Variants in SH2D4B observed in about 807,000 individuals in gnomAD.
SH2D4B encodes the protein SH2 domain-containing protein 4B.
Under a neutral mutation model 61.5 loss-of-function variants are expected in SH2D4B, and 45 were observed. The observed-to-expected ratio is 0.73, with a 90% CI of 0.58 to 0.94. SH2D4B has a LOEUF of 0.94. Ranked by LOEUF, SH2D4B falls within the 40% of genes least tolerant of loss-of-function variation. The pLI is 0.00. For synonymous variants in SH2D4B, 224 were observed against 220.4 expected (o/e 1.02, Z -0.14); for missense variants, 572 against 574.2 (o/e 1.00, Z 0.04).
chr10:80,549,340 G>C (rs908041118), intron 1 of SH2D4B, among the ~76,000 whole-genome samples: 1 of 152,140 alleles, frequency 6.6e-6, no homozygotes, highest in African/African-American at 2.4e-5. Flanking sequence ...GATCCGGTAT[G>C]GCCCTGCCGT....
chr10:80,552,107 A>G (rs1374394194), intron 1 of SH2D4B, among the ~76,000 whole-genome samples: 1 of 152,132 alleles, frequency 6.6e-6, no homozygotes, highest in African/African-American at 2.4e-5. Context: ...CAAAGGCCAT[A>G]CCTCCTAATA....
At chr10:80,615,143 A>T (rs80210298) in intron 6 of SH2D4B, among the ~76,000 whole-genome samples, 4,906 of 152,318 alleles carry the variant, frequency 0.032, 111 homozygotes, top group African/African-American at 0.052. Flanking sequence ...TGTATGGAGC[A>T]GGAAGGGGTT....
At chr10:80,597,070 G>A (rs1842393262) in intron 4 of SH2D4B, among the ~76,000 whole-genome samples, 1 of 152,184 alleles carries the variant, frequency 6.6e-6, no homozygotes, top group African/African-American at 2.4e-5. Context: ...GTAATCTAGA[G>A]CTGATTTAAA....
chr10:80,591,513 T>C (rs1266275957), intron 4 of SH2D4B, among the ~76,000 whole-genome samples: 1 of 148,592 alleles, frequency 6.7e-6, no homozygotes, highest in Non-Finnish European at 1.5e-5. Flanking sequence ...GGCTTTTTTT[T>C]TTTTTTTTTT....
At chr10:80,588,973 CTGTTGGGGA>C (rs1460224573) in intron 4 of SH2D4B, among the ~76,000 whole-genome samples, 196 bp downstream of exon 4, 1 of 151,820 alleles carries the variant, frequency 6.6e-6, no homozygotes, top group Non-Finnish European at 1.5e-5. Context: ...GCTTACCTGC[CTGTTGGGGA>C]TATTTCTTTT....
rs1162823399 is a variant in SH2D4B, at chr10:80,604,786, TC to T, written c.860+992del. 3.4e-5 allele frequency among the ~76,000 whole-genome samples: 4 copies of T among 117,880 alleles called. No individual in the cohort carries two copies. In the East Asian group the frequency reaches 8.7e-4, roughly 26 times the overall value. The allele number at this position is 117,880 out of a possible 152,430, so 77.3% of individuals were successfully genotyped here. ...CCCTTCTTCCAGAGGTCACTACTGT[TC>T]TTAGTTTTTTTTTTTTCTTTTTTTG... On this transcript the variant is annotated intron_variant, in intron 5 of 7. Transcript: ENST00000646907.
In SH2D4B at chr10:80,538,129, G is replaced by T. The variant is rs1048811357; in HGVS notation, c.-203G>T. ...CTGCCCCTTTGGGTCCTGTTGCCTG[G>T]CCTCTTTTGCTGTCCTGGGTAGAGG... On this transcript the variant is annotated 5_prime_UTR_variant, in exon 1 of 8. Coordinates refer to ENST00000646907, the MANE Select transcript of SH2D4B (RefSeq NM_001388272.1). This position sits in a 1 kb window ranked among gnomAD's most constrained non-coding sequence, Gnocchi z 4.8. The T allele has an allele frequency of 2.5e-5, 9 of 359,922 alleles. No homozygotes were observed. Among genetic ancestry groups the T allele is most frequent in the Non-Finnish European group, 4.4e-5 (9 of 206,190 alleles). 22.3% of individuals were successfully genotyped at this position (359,922 alleles called of 1,614,324 possible). A position where few individuals can be genotyped will look rare whatever the true frequency, so the allele number is the denominator to read the frequency against.
rs912187708 is a variant in SH2D4B, at chr10:80,634,423, A to G, written c.1127A>G (p.Asp376Gly). Residue 376 changes from aspartate (D) to glycine (G), a missense_variant, in exon 7 of 8, where the codon GAT becomes GGT. Asp to Gly is a moderately conservative substitution (Grantham distance 94). Transcript: ENST00000646907. ...LQKGFKHFLVDASGDFYSFLG... is the reference protein window; with the variant it reads ...LQKGFKHFLVGASGDFYSFLG... ...AAAGGGTTCAAACACTTTCTTGTGG[A>G]TGCTTCTGGGGATTTTTACAGCTTC... is the stretch of plus-strand genomic sequence containing the variant. 106 of 1,550,358 alleles carry G rather than the reference A, an allele frequency of 6.8e-5. No homozygotes were observed. Among genetic ancestry groups the G allele is most frequent in the Non-Finnish European group, 9.0e-5 (103 of 1,146,972 alleles).
chr10:80,540,874 G>A (rs1589327043), intron 1 of SH2D4B: 1 of 1,551,582 alleles, frequency 6.4e-7, no homozygotes, highest in South Asian at 1.2e-5. Context: ...GCTCCACGGA[G>A]GAATCTTCTC....
At chr10:80,607,698 C>T (rs1048237167) in intron 5 of SH2D4B, among the ~76,000 whole-genome samples, 1 of 152,106 alleles carries the variant, frequency 6.6e-6, no homozygotes, top group Admixed American at 6.6e-5. Flanking sequence ...GGGTACAGGG[C>T]AAATATGGAG....
intron 1 of SH2D4B, among the ~76,000 whole-genome samples, chr10:80,560,693 C>A (rs12266010): frequency 3.9e-3 from 231 of 58,864 alleles, no homozygotes; most frequent in African/African-American, 0.016. Context: ...CCTGGCCAAG[C>A]TTTTTTTTTT....
At chr10:80,583,295 C>CGT (rs1554877489) in intron 3 of SH2D4B, among the ~76,000 whole-genome samples, 1 of 151,762 alleles carries the variant, frequency 6.6e-6, no homozygotes, top group African/African-American at 2.4e-5. Flanking sequence ...GGAAATTACA[C>CGT]GTGATAGCTG....
At chr10:80,569,444 C>T (rs1036788470) in intron 1 of SH2D4B, among the ~76,000 whole-genome samples, 6 of 151,108 alleles carry the variant, frequency 4.0e-5, no homozygotes, top group African/African-American at 9.7e-5. Context: ...AACTTTATTT[C>T]GGAGACCCAG....
intron 3 of SH2D4B, among the ~76,000 whole-genome samples, chr10:80,578,518 A>AGCCCATCTGG: frequency 1.3e-5 from 2 of 152,226 alleles, no homozygotes; most frequent in East Asian, 3.9e-4. Flanking sequence ...TCTGGGCATG[A>AGCCCATCTGG]GCAAGCACAA....
rs7908217 is a variant in SH2D4B, at chr10:80,596,134, C to T, written c.643+7357C>T. The stretch of plus-strand genomic sequence containing the variant: ...TACAAATGCAACATTGTGGTCAAAG[C>T]TCATTTTTTATCTGGGGCAAGCTCC... On this transcript the variant is annotated intron_variant, in intron 4 of 7. Transcript: ENST00000646907. Among the ~76,000 whole-genome samples the T allele has an allele frequency of 9.8e-3, 1,490 of 152,336 alleles. 19 individuals carry two copies. Among genetic ancestry groups the T allele is most frequent in the African/African-American group, 0.034 (1,421 of 41,570 alleles).
At chr10:80,623,191 A>G (rs1842734938) in intron 6 of SH2D4B, among the ~76,000 whole-genome samples, 1 of 152,266 alleles carries the variant, frequency 6.6e-6, no homozygotes, top group Non-Finnish European at 1.5e-5. Context: ...CTGGGATTAC[A>G]GGCGTGAGCC....
At chr10:80,586,951 T>G (rs1170124188) in intron 3 of SH2D4B, among the ~76,000 whole-genome samples, 1 of 151,666 alleles carries the variant, frequency 6.6e-6, no homozygotes, top group Non-Finnish European at 1.5e-5. Context: ...GGTCCGCAGC[T>G]TCACTCCTGA....
At chr10:80,572,986 A>ATATATATATATATT (rs1564772012) in intron 3 of SH2D4B, among the ~76,000 whole-genome samples, 1 of 8,874 alleles carries the variant, frequency 1.1e-4, no homozygotes, top group Non-Finnish European at 2.0e-4. Context: ...ATATATATAT[A>ATATATATATATATT]TTTTTTTTTT....
At chr10:80,604,286 C>A (rs1373973432) in intron 5 of SH2D4B, among the ~76,000 whole-genome samples, 2 of 152,168 alleles carry the variant, frequency 1.3e-5, no homozygotes, top group Non-Finnish European at 2.9e-5. Flanking sequence ...CAGGCGGGTC[C>A]TCACACACAT....
Sources: gnomAD v4.1 joint callset for allele counts (sites outside exome capture counted in the v4.1 genomes callset) on GRCh38, gnomAD v4.1.1 for gene constraint, Gnocchi (gnomAD v3.1) non-coding constraint, MANE v1.5 for transcripts, NCBI Gene and HGNC (gene_info 2026-07-23, HGNC 2026-07-21) for gene names.